Variants in SLC25A17 observed in about 807,000 individuals in gnomAD.
SLC25A17 encodes peroxisomal membrane protein PMP34.
A neutral mutation model predicts 38.5 loss-of-function variants in SLC25A17; 26 were observed. The observed-to-expected ratio is 0.68, with a 90% CI of 0.50 to 0.94. SLC25A17 has a LOEUF of 0.94. Ranked by LOEUF, SLC25A17 falls within the 40% of genes least tolerant of loss-of-function variation. The pLI is 0.00. For synonymous variants in SLC25A17, 139 were observed against 136.2 expected (o/e 1.02, Z -0.14); for missense variants, 333 against 372.7 (o/e 0.89, Z 0.88).
At chr22:40,795,631 T>C (rs1309577329) in intron 2 of SLC25A17, among the ~76,000 whole-genome samples, 7 of 151,910 alleles carry the variant, frequency 4.6e-5, no homozygotes, top group African/African-American at 1.4e-4. Context: ...AAAGCTCTCT[T>C]GTTTTATTCA....
intron 3 of SLC25A17, among the ~76,000 whole-genome samples, chr22:40,794,284 G>A (rs2057408604): frequency 6.6e-6 from 1 of 151,848 alleles, no homozygotes; most frequent in South Asian, 2.1e-4. Context: ...CCATGATCAA[G>A]AATCAAATGG....
intron 1 of SLC25A17, among the ~76,000 whole-genome samples, chr22:40,812,942 AAAGATT>A (rs2057597746): frequency 6.6e-6 from 1 of 152,190 alleles, no homozygotes; most frequent in African/African-American, 2.4e-5. Flanking sequence ...ATAAAATTCT[AAAGATT>A]AAAAGCCACT....
At chr22:40,807,179 T>C (rs2057537797) in intron 1 of SLC25A17, among the ~76,000 whole-genome samples, 1 of 152,242 alleles carries the variant, frequency 6.6e-6, no homozygotes, top group African/African-American at 2.4e-5. Flanking sequence ...TTATACAACA[T>C]TGTGAATGTA....
At chr22:40,796,925 C>T (rs958576957) in intron 2 of SLC25A17, among the ~76,000 whole-genome samples, 1 of 151,994 alleles carries the variant, frequency 6.6e-6, no homozygotes, top group Non-Finnish European at 1.5e-5. Flanking sequence ...CTAAAACATA[C>T]TGTTAAGTGA....
At chr22:40,777,001 T>C (rs760820612) in intron 7 of SLC25A17, 39 bp downstream of exon 7, 21 of 1,526,700 alleles carry the variant, frequency 1.4e-5, no homozygotes, top group African/African-American at 1.4e-5. Flanking sequence ...TGTATTCGAA[T>C]GCTGTTTGAC....
chr22:40,819,164 T>C (rs1277640794), intron 1 of SLC25A17, 31 bp downstream of exon 1: 12 of 1,612,110 alleles, frequency 7.4e-6, no homozygotes, highest in Middle Eastern at 1.6e-4. Context: ...TTATAACCCG[T>C]TGCGGCCCGG....
chr22:40,797,756 ATCAGAAATCATTGATTAAT>A (rs1374199615), intron 2 of SLC25A17, among the ~76,000 whole-genome samples: 1 of 152,258 alleles, frequency 6.6e-6, no homozygotes, highest in East Asian at 1.9e-4. Context: ...TCTCTATAGT[ATCAGAAATCATTGATTAAT>A]TCAGAAATCA....
At position 40,819,346 on chromosome 22, in the gene SLC25A17, C is replaced by G. The variant is rs1268711783; in HGVS notation, c.-98G>C. 26 of 1,311,164 alleles carry G rather than the reference C, an allele frequency of 2.0e-5. No individual in the cohort carries two copies. The highest frequency in any genetic ancestry group is 2.7e-5 in the Non-Finnish European group (26 of 945,936). 81.2% of individuals were successfully genotyped at this position (1,311,164 alleles called of 1,614,324 possible). ...ACCGGAGCTCAGGGTGTGAGAGTCG[C>G]AATCCCCGCCCTCTCAAACCCGCCC... On this transcript the variant is annotated 5_prime_UTR_variant, in exon 1 of 9. Transcript: ENST00000435456.
intron 1 of SLC25A17, among the ~76,000 whole-genome samples, chr22:40,808,961 A>G (rs535385955): frequency 4.1e-4 from 62 of 152,372 alleles, no homozygotes; most frequent in Admixed American, 7.8e-4. Flanking sequence ...ATTCAGAAGC[A>G]GATAAAAGGA....
intron 5 of SLC25A17, 117 bp from the exon 6 acceptor site, chr22:40,777,490 T>A: frequency 8.1e-7 from 1 of 1,231,412 alleles, no homozygotes; most frequent in South Asian, 1.5e-5. Flanking sequence ...TCTATAAAGA[T>A]TTCCTTCTTG....
chr22:40,815,054 C>T (rs1213574197), intron 1 of SLC25A17, among the ~76,000 whole-genome samples: 6 of 151,796 alleles, frequency 4.0e-5, no homozygotes, highest in Admixed American at 1.3e-4. Context: ...CTCCTGACCT[C>T]GTGATCTGCC....
chr22:40,783,941 G>A (rs1034536707), intron 4 of SLC25A17, among the ~76,000 whole-genome samples: 2 of 152,040 alleles, frequency 1.3e-5, no homozygotes, highest in East Asian at 3.9e-4. Context: ...CCTGACCTCG[G>A]TAATCCACCT....
intron 2 of SLC25A17, chr22:40,797,474 T>G: frequency 2.3e-6 from 1 of 425,964 alleles, no homozygotes; most frequent in Non-Finnish European, 4.8e-6. Flanking sequence ...CCTCTTCTTT[T>G]GACACCATCT....
chr22:40,800,273 C>T (rs955233653), intron 1 of SLC25A17, among the ~76,000 whole-genome samples: 4 of 152,156 alleles, frequency 2.6e-5, no homozygotes, highest in African/African-American at 7.2e-5. Flanking sequence ...AAACTATATA[C>T]ATGAAACTTC....
At chr22:40,796,896 G>A (rs560888805) in intron 2 of SLC25A17, among the ~76,000 whole-genome samples, 1 of 152,236 alleles carries the variant, frequency 6.6e-6, no homozygotes, top group Admixed American at 6.5e-5. Flanking sequence ...CGCTCCCAAT[G>A]CGCTGATTCA....
In SLC25A17 at chr22:40,792,683, G is replaced by GA; in HGVS notation, c.183-8dup. 1 of 1,613,202 alleles carries GA rather than the reference G, an allele frequency of 6.2e-7. No individual in the cohort carries two copies. Among genetic ancestry groups the GA allele is most frequent in the Non-Finnish European group, 8.5e-7 (1 of 1,179,574 alleles). On this transcript the variant is annotated splice_polypyrimidine_tract_variant and splice_region_variant and intron_variant, in intron 3 of 8. Coordinates refer to ENST00000435456, the MANE Select transcript of SLC25A17 (RefSeq NM_006358.4). ...CCCTCGATATGGTGCCAGGCTAGGG[G>GA]AAAAACACAATAAGCAAAGTAAAGG...
At chr22:40,775,223 C>T (rs2057229077) in intron 7 of SLC25A17, among the ~76,000 whole-genome samples, 1 of 152,170 alleles carries the variant, frequency 6.6e-6, no homozygotes, top group Admixed American at 6.6e-5. Flanking sequence ...CCCTGAGCCA[C>T]TCTACTGCCA....
intron 4 of SLC25A17, among the ~76,000 whole-genome samples, chr22:40,782,207 G>A (rs1432687519): frequency 6.8e-6 from 1 of 146,556 alleles, no homozygotes; most frequent in Non-Finnish European, 1.5e-5. Flanking sequence ...GTGTCAGAGC[G>A]AGACCCCATC....
chr22:40,799,052 G>T lies in SLC25A17; in HGVS notation c.86C>A (p.Pro29His). The stretch of plus-strand genomic sequence containing the variant: ...AAGTCGAAGTCTAGCTGTATCCAGG[G>T]GAAAAAACACTGTCATTGCTGTCAC... ...GSVTAMTVFFPLDTARLRLQV... is the reference protein window; with the variant it reads ...GSVTAMTVFFHLDTARLRLQV... The change falls in exon 2 of 9, where the codon CCC becomes CAC. Residue 29 changes from proline to histidine, a missense_variant. Coordinates refer to ENST00000435456, the MANE Select transcript of SLC25A17 (RefSeq NM_006358.4). 1.2e-6 allele frequency: 2 copies of T among 1,613,516 alleles called. No individual in the cohort carries two copies. Among genetic ancestry groups the T allele is most frequent in the Non-Finnish European group, 1.7e-6 (2 of 1,179,558 alleles).
Sources: allele counts gnomAD v4.1 joint callset (sites outside exome capture counted in the v4.1 genomes callset), GRCh38; gene constraint gnomAD v4.1.1; transcripts MANE v1.5; gene names NCBI Gene and HGNC (gene_info 2026-07-23, HGNC 2026-07-21).